The following PITPNM2 variants were observed in gnomAD, a reference collection of about 807,000 sequenced individuals.
The protein encoded by PITPNM2 is membrane-associated phosphatidylinositol transfer protein 2.
PITPNM2 carries 35 observed loss-of-function variants against 132.2 expected under a neutral mutation model. The ratio of observed to expected loss-of-function variants is 0.26; its 90% CI spans 0.20 to 0.35. The LOEUF (loss-of-function observed/expected upper bound fraction) is 0.35. PITPNM2 is among the 10% of genes least tolerant of loss of function. The probability of loss-of-function intolerance (pLI) is 1.00; values close to 1 mark genes in which losing one functional copy is unlikely to be tolerated. For missense variants in PITPNM2, 1,332 were observed against 1,912.0 expected (o/e 0.70, Z 5.66); for synonymous variants, 738 against 799.2 (o/e 0.92, Z 1.29).
At chr12:123,123,586 G>C (rs1005484786) in intron 1 of PITPNM2, among the ~76,000 whole-genome samples, 5 of 151,954 alleles carry the variant, frequency 3.3e-5, no homozygotes, top group Admixed American at 6.6e-5. Flanking sequence ...TCTCTAGCCT[G>C]GGTAACAGAG....
At chr12:123,105,175 G>A (rs762526918) in intron 2 of PITPNM2, among the ~76,000 whole-genome samples, 51 of 152,096 alleles carry the variant, frequency 3.4e-4, no homozygotes, top group Non-Finnish European at 5.0e-4. Flanking sequence ...TCCCCAACTT[G>A]GGAGGCCTTC....
At chr12:123,123,853 CT>C (rs2043079341) in intron 1 of PITPNM2, among the ~76,000 whole-genome samples, 1 of 150,222 alleles carries the variant, frequency 6.7e-6, no homozygotes, top group African/African-American at 2.5e-5. Flanking sequence ...CAAGAATCGC[CT>C]GAACCCAGGA....
intron 2 of PITPNM2, among the ~76,000 whole-genome samples, chr12:123,038,708 A>G (rs554634767): frequency 1.3e-5 from 2 of 151,630 alleles, no homozygotes; most frequent in Admixed American, 6.6e-5. Flanking sequence ...GCTTCCCACC[A>G]TGTGCCCCTG....
intron 13 of PITPNM2, 109 bp from the exon 14 acceptor site, chr12:122,995,769 G>A: frequency 7.1e-7 from 1 of 1,399,662 alleles, no homozygotes; most frequent in Non-Finnish European, 9.4e-7. Flanking sequence ...AGCGGCCACT[G>A]TCCAGCCGGC....
chr12:123,034,820 A>G (rs2040214722), intron 2 of PITPNM2, 135 bp from the exon 3 acceptor site: 1 of 505,662 alleles, frequency 2.0e-6, no homozygotes, highest in African/African-American at 1.9e-5. Flanking sequence ...CAACGGTGCA[A>G]CTTTGAGCAG....
In PITPNM2 at chr12:123,005,771, T is replaced by C. The variant is rs1432731203; in HGVS notation, c.644-223A>G. ...GCTCATAGTGGTTCTATAATTAGAG[T>C]GGAGGGGCCTCCCAAAGCAATGTGT... On this transcript the variant is annotated intron_variant, in intron 6 of 25. Coordinates refer to ENST00000320201, the MANE Select transcript of PITPNM2 (RefSeq NM_020845.3). The surrounding 1 kb of genome is among the most constrained non-coding windows in gnomAD (Gnocchi z 6.2). The C allele has an allele frequency of 7.1e-6, 4 of 563,456 alleles. No individual in the cohort carries two copies. The highest frequency in any genetic ancestry group is 1.3e-5 in the Non-Finnish European group (4 of 319,456). 34.9% of individuals were successfully genotyped at this position (563,456 alleles called of 1,614,324 possible). A position where few individuals can be genotyped will look rare whatever the true frequency, so the allele number is the denominator to read the frequency against.
chr12:123,069,493 C>T (rs2041556069), intron 2 of PITPNM2, among the ~76,000 whole-genome samples: 1 of 152,124 alleles, frequency 6.6e-6, no homozygotes, highest in Non-Finnish European at 1.5e-5. Context: ...GAGTCCACAC[C>T]TCTCCTGGGC....
At chr12:123,006,428 T>C (rs1033098070) in intron 6 of PITPNM2, among the ~76,000 whole-genome samples, 7 of 151,826 alleles carry the variant, frequency 4.6e-5, no homozygotes, top group African/African-American at 1.7e-4. Flanking sequence ...GGGCCAGGCA[T>C]GGTAGCTCAC....
intron 1 of PITPNM2, among the ~76,000 whole-genome samples, chr12:123,145,130 T>C (rs1237094889): frequency 2.0e-5 from 3 of 152,066 alleles, no homozygotes; most frequent in Non-Finnish European, 4.4e-5. Flanking sequence ...GAGCAATGAT[T>C]GCACCACTGC....
intron 1 of PITPNM2, among the ~76,000 whole-genome samples, chr12:123,146,766 T>C (rs755807655): frequency 7.2e-5 from 11 of 152,046 alleles, no homozygotes; most frequent in Non-Finnish European, 1.3e-4. Flanking sequence ...TGCTCCATAC[T>C]CATTTCACAG....
intron 1 of PITPNM2, among the ~76,000 whole-genome samples, chr12:123,145,585 A>G (rs1478821015): frequency 6.6e-6 from 1 of 152,212 alleles, no homozygotes; most frequent in African/African-American, 2.4e-5. Context: ...AACTTCAACA[A>G]GGAGAGTGTG....
intron 13 of PITPNM2, among the ~76,000 whole-genome samples, chr12:122,996,184 C>G (rs537495130): frequency 8.9e-4 from 135 of 152,228 alleles, no homozygotes; most frequent in Non-Finnish European, 1.7e-3. Context: ...TGCTGGGCTT[C>G]CTCAGCTCCC....
chr12:123,050,219 A>G (rs2040813600), intron 2 of PITPNM2, among the ~76,000 whole-genome samples: 1 of 152,192 alleles, frequency 6.6e-6, no homozygotes, highest in Non-Finnish European at 1.5e-5. Flanking sequence ...GGGAGAGACA[A>G]GCTGGGCCCT....
At chr12:123,060,286 C>G (rs1276256987) in intron 2 of PITPNM2, among the ~76,000 whole-genome samples, 1 of 152,250 alleles carries the variant, frequency 6.6e-6, no homozygotes, top group African/African-American at 2.4e-5. Context: ...TGCCTTGGCA[C>G]TGGAAGTCTT....
At position 123,149,189 on chromosome 12, in the gene PITPNM2, G is replaced by A. The variant is rs187337445; in HGVS notation, c.-200+1564C>T. 2.7e-3 allele frequency among the ~76,000 whole-genome samples: 405 copies of A among 152,258 alleles called. 1 individual carries two copies. The highest frequency in any genetic ancestry group is 9.4e-3 in the African/African-American group (391 of 41,536). The stretch of plus-strand genomic sequence containing the variant: ...CTGGAACCCCAGTCTCTCGACTCCC[G>A]CAGTCCACTTCTCTCCCCTGCTGCC... On this transcript the variant is annotated intron_variant, in intron 1 of 25. Coordinates refer to ENST00000320201, the MANE Select transcript of PITPNM2 (RefSeq NM_020845.3).
chr12:123,021,419 C>T (rs987744189), intron 3 of PITPNM2, among the ~76,000 whole-genome samples: 9 of 152,168 alleles, frequency 5.9e-5, no homozygotes, highest in Admixed American at 4.6e-4. Flanking sequence ...GCAGCCTTGA[C>T]CCCCCAAGCT....
chr12:123,130,890 G>C (rs908723005), intron 1 of PITPNM2, among the ~76,000 whole-genome samples: 3 of 152,172 alleles, frequency 2.0e-5, no homozygotes, highest in African/African-American at 2.4e-5. Context: ...GAGGTGGCCA[G>C]GGTGCTAAGC....
Position 123,005,373 on chromosome 12 carries a change from G to A in PITPNM2, c.819C>T (p.His273=), listed in dbSNP as rs142843003. ...CAGAGGTCTGGTCCGAGACGGCTTC[G>A]TGCTTGACGAGCTCAGTGGCCTCCT... ...DGEEATELVK[H]EAVSDQTSGE... is the part of the protein sequence containing the mutation. Residue 273 remains histidine (H), a synonymous_variant, in exon 7 of 26, where the codon CAC becomes CAT. Coordinates refer to ENST00000320201, the MANE Select transcript of PITPNM2 (RefSeq NM_020845.3). The surrounding 1 kb of genome is among the most constrained non-coding windows in gnomAD (Gnocchi z 6.2). The A allele has an allele frequency of 2.4e-5, 38 of 1,614,054 alleles. No homozygotes were observed. Among genetic ancestry groups the A allele is most frequent in the Non-Finnish European group, 2.8e-5 (33 of 1,180,034 alleles).
At chr12:123,098,715 C>T (rs774327189) in intron 2 of PITPNM2, among the ~76,000 whole-genome samples, 6 of 151,634 alleles carry the variant, frequency 4.0e-5, no homozygotes, top group African/African-American at 7.3e-5. Flanking sequence ...CAAACAGATG[C>T]CACAGAGACA....
Sources: gnomAD v4.1 joint callset for allele counts (sites outside exome capture counted in the v4.1 genomes callset) on GRCh38, gnomAD v4.1.1 for gene constraint, Gnocchi (gnomAD v3.1) non-coding constraint, MANE v1.5 for transcripts, NCBI Gene and HGNC (gene_info 2026-07-23, HGNC 2026-07-21) for gene names.